Variants in SLC18A1 observed in about 807,000 individuals in gnomAD.
The protein encoded by SLC18A1 is chromaffin granule amine transporter.
In SLC18A1, 69 loss-of-function variants were observed where a neutral mutation model predicts 53.7. The ratio of observed to expected loss-of-function variants is 1.28; its 90% CI spans 1.06 to 1.57. SLC18A1 has a LOEUF of 1.57. Among genes scored for constraint, SLC18A1 ranks in the 40% most tolerant of loss-of-function variants. The pLI is 0.00. For missense variants in SLC18A1, 932 were observed against 668.1 expected (o/e 1.40, Z -4.35); for synonymous variants, 320 against 248.1 (o/e 1.29, Z -2.72).
At chr8:20,155,493 C>T (rs1455764703) in intron 10 of SLC18A1, among the ~76,000 whole-genome samples, 8 of 152,050 alleles carry the variant, frequency 5.3e-5, no homozygotes, top group Non-Finnish European at 7.3e-5. Context: ...AGCCGAAGGC[C>T]GACTAGAGGC....
chr8:20,171,557 T>C, intron 6 of SLC18A1, 63 bp from the exon 7 acceptor site: 1 of 1,323,990 alleles, frequency 7.6e-7, no homozygotes, highest in Non-Finnish European at 1.1e-6. Context: ...GTGAGAATTA[T>C]CCATATTTAC....
At chr8:20,148,426 C>T in intron 12 of SLC18A1, 5 of 1,287,600 alleles carry the variant, frequency 3.9e-6, no homozygotes, top group Non-Finnish European at 5.1e-6. Context: ...TAAACATACA[C>T]TCCTGGTCTC....
intron 8 of SLC18A1, among the ~76,000 whole-genome samples, chr8:20,168,332 A>T (rs1481129183): frequency 6.6e-6 from 1 of 151,792 alleles, no homozygotes; most frequent in African/African-American, 2.4e-5. Flanking sequence ...ACACCTCTAC[A>T]CTCCAGCCTC....
At chr8:20,181,213 C>G in intron 1 of SLC18A1, 126 bp from the exon 2 acceptor site, 1 of 342,918 alleles carries the variant, frequency 2.9e-6, no homozygotes, top group Non-Finnish European at 5.4e-6. Flanking sequence ...GAATGCCTTC[C>G]TGGTAAGCAT....
chr8:20,145,022 T>C lies in SLC18A1; in HGVS notation c.*741A>G, dbSNP rs2128865304. ...TTTTTCTGTCTTTCTTCTACTTTTA[T>C]TTCTAAGAGTCTAAGAGGTTCAGAA... On this transcript the variant is annotated 3_prime_UTR_variant, in exon 16 of 16. Transcript: ENST00000276373. The C allele has an allele frequency of 6.6e-6, 1 of 152,232 alleles. No individual in the cohort carries two copies. The highest frequency in any genetic ancestry group is 2.1e-4 in the South Asian group (1 of 4,816). 9.4% of individuals were successfully genotyped at this position (152,232 alleles called of 1,614,324 possible). A position where few individuals can be genotyped will look rare whatever the true frequency, so the allele number is the denominator to read the frequency against.
intron 8 of SLC18A1, among the ~76,000 whole-genome samples, chr8:20,166,919 C>T (rs562540410): frequency 1.2e-4 from 18 of 152,202 alleles, no homozygotes; most frequent in South Asian, 4.1e-4. Flanking sequence ...CATGTGAGGA[C>T]GCACTGAGAA....
At chr8:20,158,160 G>A (rs1305949307) in intron 10 of SLC18A1, among the ~76,000 whole-genome samples, 1 of 152,110 alleles carries the variant, frequency 6.6e-6, no homozygotes, top group Non-Finnish European at 1.5e-5. Flanking sequence ...AGGGCCAGGA[G>A]GTTAACTGTC....
intron 10 of SLC18A1, among the ~76,000 whole-genome samples, chr8:20,158,824 A>C (rs929373610): frequency 6.6e-6 from 1 of 152,122 alleles, no homozygotes; most frequent in African/African-American, 2.4e-5. Context: ...CTGGACCTTA[A>C]GGATGCCTTT....
chr8:20,171,703 TGC>T (rs71222136), intron 6 of SLC18A1, among the ~76,000 whole-genome samples: 5,814 of 146,526 alleles, frequency 0.04, 293 homozygotes, highest in African/African-American at 0.13. Flanking sequence ...TGTGTGTGTG[TGC>T]GCGCGCGTGT....
At chr8:20,151,803 C>T (rs2071563073) in intron 10 of SLC18A1, among the ~76,000 whole-genome samples, 1 of 152,124 alleles carries the variant, frequency 6.6e-6, no homozygotes, top group Non-Finnish European at 1.5e-5. Flanking sequence ...TCCATTCATT[C>T]ATTCATTCAT....
chr8:20,147,936 G>C lies in SLC18A1; in HGVS notation c.1210+71C>G, dbSNP rs1250506955. 3.9e-6 allele frequency: 6 copies of C among 1,537,336 alleles called. No individual in the cohort carries two copies. In the African/African-American group the frequency reaches 8.2e-5, roughly 21 times the overall value. ...GCACCTACCTCCTCTGATGAGAAAAGGGGGAGGAAAGGCATCAGACCCAAA... is the reference window on the plus strand; with the variant it reads ...GCACCTACCTCCTCTGATGAGAAAACGGGGAGGAAAGGCATCAGACCCAAA... On this transcript the variant is annotated intron_variant, in intron 13 of 15. Coordinates refer to ENST00000276373, the MANE Select transcript of SLC18A1 (RefSeq NM_003053.4).
At chr8:20,163,912 A>G (rs1389913084) in intron 10 of SLC18A1, among the ~76,000 whole-genome samples, 2 of 152,142 alleles carry the variant, frequency 1.3e-5, no homozygotes, top group African/African-American at 4.8e-5. Flanking sequence ...GCTGCTCACT[A>G]GTATCGAGAC....
chr8:20,177,411 T>C (rs1163459574), intron 4 of SLC18A1, among the ~76,000 whole-genome samples: 1 of 152,162 alleles, frequency 6.6e-6, no homozygotes, highest in Non-Finnish European at 1.5e-5. Context: ...ATGAGAGGCA[T>C]GTTCTCACTC....
At chr8:20,159,522 A>G (rs1412106095) in intron 10 of SLC18A1, among the ~76,000 whole-genome samples, 1 of 151,882 alleles carries the variant, frequency 6.6e-6, no homozygotes, top group African/African-American at 2.4e-5. Flanking sequence ...AGAGGGAGGG[A>G]CAATGATCGG....
rs2071917686 is a variant in SLC18A1 at position 20,164,936 on chromosome 8, C to A, written c.948G>T (p.Val316=). 2 of 1,613,746 alleles carry A rather than the reference C, an allele frequency of 1.2e-6. No homozygotes were observed. Among genetic ancestry groups the A allele is most frequent in the African/African-American group, 2.7e-5 (2 of 74,872 alleles). Residue 316 remains valine (V), a synonymous_variant, in exon 10 of 16, where the codon GTG becomes GTT. Coordinates refer to ENST00000276373, the MANE Select transcript of SLC18A1 (RefSeq NM_003053.4). ...AGSICFANMG[V]AILEPTLPIW... is the part of the protein sequence containing the mutation. The stretch of plus-strand genomic sequence containing the variant: ...TGGGCAGTGTGGGCTCCAGGATGGC[C>A]ACCCCCATGTTGGCAAAGCAGATGG...
chr8:20,181,225 G>A (rs549018599), intron 1 of SLC18A1, 138 bp from the exon 2 acceptor site: 33 of 316,330 alleles, frequency 1.0e-4, no homozygotes, highest in South Asian at 1.6e-4. Flanking sequence ...GGTAAGCATC[G>A]CTTACTAGCT....
Position 20,178,248 on chromosome 8 carries a change from C to T in SLC18A1, c.547+187G>A, listed in dbSNP as rs142804468. On this transcript the variant is annotated intron_variant, in intron 4 of 15. Coordinates refer to ENST00000276373, the MANE Select transcript of SLC18A1 (RefSeq NM_003053.4). ...CTATAGCAGAATAGACCAATTCCAA[C>T]TAGACTGAATTGTCACTACTGTTCT... 1.2e-4 allele frequency among the ~76,000 whole-genome samples: 18 copies of T among 152,234 alleles called. No individual in the cohort carries two copies. The East Asian group carries it at 3.5e-3, about 29-fold the overall frequency.
intron 5 of SLC18A1, among the ~76,000 whole-genome samples, 177 bp downstream of exon 5, chr8:20,174,184 G>T (rs1461066155): frequency 6.6e-6 from 1 of 152,060 alleles, no homozygotes; most frequent in Admixed American, 6.6e-5. Context: ...AAGTGCAGGG[G>T]TTACAGGTGT....
intron 10 of SLC18A1, among the ~76,000 whole-genome samples, chr8:20,157,366 C>A (rs1001590928): frequency 3.3e-5 from 5 of 152,076 alleles, no homozygotes; most frequent in African/African-American, 1.2e-4. Context: ...GATAGGGTGA[C>A]AACAGAGGAA....
Sources: allele counts gnomAD v4.1 joint callset (sites outside exome capture counted in the v4.1 genomes callset), GRCh38; gene constraint gnomAD v4.1.1; transcripts MANE v1.5; gene names NCBI Gene and HGNC (gene_info 2026-07-23, HGNC 2026-07-21).